GLOD4: variants seen among roughly 807,000 people sequenced by gnomAD.
The protein encoded by GLOD4 is glyoxalase domain-containing protein 4.
In GLOD4, 44 loss-of-function variants were observed where a neutral mutation model predicts 39.1. That is an observed-to-expected ratio of 1.13 (90% CI 0.88 to 1.45). The LOEUF (loss-of-function observed/expected upper bound fraction) is 1.45. Ranked by LOEUF, GLOD4 falls within the 40% of genes most tolerant of loss-of-function variation. GLOD4 has a pLI of 0.00. For synonymous variants in GLOD4, 145 were observed against 135.0 expected (o/e 1.07, Z -0.52); for missense variants, 405 against 366.4 (o/e 1.11, Z -0.86).
At chr17:776,601 A>T (rs1274154756) in intron 3 of GLOD4, among the ~76,000 whole-genome samples, 1 of 151,524 alleles carries the variant, frequency 6.6e-6, no homozygotes, top group Admixed American at 6.6e-5. Flanking sequence ...ATCTCTTACC[A>T]CGCTCCCCTC....
At chr17:782,495 A>C, upstream of GLOD4, 1 of 1,613,620 alleles carries the variant, frequency 6.2e-7, no homozygotes, top group Non-Finnish European at 8.5e-7. Context: ...GCCCAGTGAA[A>C]GTGGTGTTTC....
chr17:768,067 A>G (rs1219686161), intron 8 of GLOD4, among the ~76,000 whole-genome samples: 1 of 149,850 alleles, frequency 6.7e-6, no homozygotes, highest in Non-Finnish European at 1.5e-5. Context: ...AGAGAGAAAC[A>G]GCGCGCACTC....
At position 782,181 on chromosome 17, in the gene GLOD4, G is replaced by T; in HGVS notation, c.75C>A (p.Asp25Glu). 1 of 1,606,498 alleles carries T rather than the reference G, an allele frequency of 6.2e-7. No individual in the cohort carries two copies. Among genetic ancestry groups the T allele is most frequent in the Non-Finnish European group, 8.5e-7 (1 of 1,174,602 alleles). Residue 25 changes from aspartate to glutamate, a missense_variant, in exon 1 of 9, where the codon GAC becomes GAA. Asp to Glu is a conservative substitution (Grantham distance 45). Transcript: ENST00000301329. ...NRFQTARFYRDVLGMKVLRHE... is the reference protein window; with the variant it reads ...NRFQTARFYREVLGMKVLRHE... ...CGGCCTGCACCTTCATCCCCAGGAC[G>T]TCCCGATAGAAACGCGCCGTCTGGA...
chr17:768,889 A>T (rs1401174126), intron 8 of GLOD4, among the ~76,000 whole-genome samples: 3 of 147,986 alleles, frequency 2.0e-5, no homozygotes, highest in Admixed American at 6.7e-5. Context: ...AGAGGATGTG[A>T]GAGAGAGAAA....
At chr17:765,964 A>G (rs1906461070) in intron 8 of GLOD4, among the ~76,000 whole-genome samples, 1 of 151,066 alleles carries the variant, frequency 6.6e-6, no homozygotes, top group Non-Finnish European at 1.5e-5. Context: ...CTCAAAAAAA[A>G]GAAAAATGGC....
chr17:771,834 G>C (rs978466386), intron 4 of GLOD4, among the ~76,000 whole-genome samples: 1 of 152,006 alleles, frequency 6.6e-6, no homozygotes, highest in Non-Finnish European at 1.5e-5. Flanking sequence ...GCAAAACCCT[G>C]TCTCTACTAA....
chr17:784,077 C>T (rs1444199865), upstream of GLOD4, among the ~76,000 whole-genome samples: 1 of 152,214 alleles, frequency 6.6e-6, no homozygotes, highest in African/African-American at 2.4e-5. Context: ...GTCTTCTAGT[C>T]TGTTCCTTCA....
chr17:764,502 C>A (rs1484264132), intron 8 of GLOD4: 3 of 152,016 alleles, frequency 2.0e-5, no homozygotes, highest in African/African-American at 7.3e-5. Context: ...TAGGTATTTA[C>A]TCAAGAGAAA....
intron 1 of GLOD4, 144 bp from the exon 2 acceptor site, chr17:778,888 C>G: frequency 3.3e-6 from 2 of 601,144 alleles, no homozygotes; most frequent in South Asian, 2.1e-5. Context: ...CTTTACACTT[C>G]TCCCAGGATA....
intron 8 of GLOD4, among the ~76,000 whole-genome samples, chr17:766,422 C>T (rs780007661): frequency 4.0e-5 from 6 of 151,738 alleles, no homozygotes; most frequent in Admixed American, 6.6e-5. Flanking sequence ...ATGGTGAAGC[C>T]CCGTCTCTAC....
In GLOD4 at chr17:769,887, T is replaced by A. The variant is rs1907618509; in HGVS notation, c.813A>T (p.Gly271=). The stretch of plus-strand genomic sequence containing the variant: ...GACTCACATCATCCAACAATTTGCT[T>A]CCCTCTGGATCCATCTTAGAAAGTT... The part of the protein sequence containing the change: ...FRELSKMDPE[G]SKLLDDAMAA... Residue 271 remains glycine (G), a synonymous_variant, in exon 8 of 9, where the codon GGA becomes GGT. Transcript: ENST00000301329. 1.3e-6 allele frequency: 2 copies of A among 1,599,688 alleles called. No individual in the cohort carries two copies. The highest frequency in any genetic ancestry group is 2.7e-5 in the African/African-American group (2 of 74,622).
chr17:781,802 AAG>A, intron 1 of GLOD4: 1 of 230,120 alleles, frequency 4.3e-6, no homozygotes. Flanking sequence ...ATCTACATCA[AAG>A]GCTCCAAACC....
intron 1 of GLOD4, among the ~76,000 whole-genome samples, chr17:781,250 C>T (rs866203711): frequency 3.3e-5 from 5 of 152,078 alleles, no homozygotes; most frequent in African/African-American, 7.2e-5. Context: ...ACCTTTTGAT[C>T]GACGAGGAAA....
chr17:776,992 G>C lies in GLOD4; in HGVS notation c.141-4C>G. On this transcript the variant is annotated splice_polypyrimidine_tract_variant and splice_region_variant and intron_variant, in intron 2 of 8. Coordinates refer to ENST00000301329, the MANE Select transcript of GLOD4 (RefSeq NM_016080.4). ...ACTCCATTTCCCATCATAAGGCCTA[G>C]AAAATAAAAGTAAATGAACTCAGTG... 2.5e-6 allele frequency: 4 copies of C among 1,611,216 alleles called. No homozygotes were observed. The highest frequency in any genetic ancestry group is 3.4e-6 in the Non-Finnish European group (4 of 1,177,312).
chr17:777,994 G>C (rs2144450928), intron 2 of GLOD4, among the ~76,000 whole-genome samples: 1 of 152,276 alleles, frequency 6.6e-6, no homozygotes, highest in South Asian at 2.1e-4. Flanking sequence ...TGAACAATGA[G>C]ACTCATGAGC....
chr17:767,021 T>C, intron 8 of GLOD4, among the ~76,000 whole-genome samples: 1 of 152,254 alleles, frequency 6.6e-6, no homozygotes, highest in East Asian at 1.9e-4. Context: ...ATAAAGACTG[T>C]ATTTTCTATA....
chr17:771,202 T>C (rs1672820521), intron 5 of GLOD4, 123 bp downstream of exon 5: 3 of 629,228 alleles, frequency 4.8e-6, no homozygotes, highest in Non-Finnish European at 8.4e-6. Context: ...ATTGAATCAC[T>C]GTGAAGAAAC....
intron 8 of GLOD4, among the ~76,000 whole-genome samples, chr17:766,569 C>T (rs1906608652): frequency 6.6e-6 from 1 of 151,564 alleles, no homozygotes; most frequent in Non-Finnish European, 1.5e-5. Flanking sequence ...GCACTCCAGC[C>T]TAGTTGACAG....
chr17:776,096 A>G (rs1441763509), intron 3 of GLOD4, among the ~76,000 whole-genome samples, 177 bp from the exon 4 acceptor site: 1 of 152,220 alleles, frequency 6.6e-6, no homozygotes, highest in Non-Finnish European at 1.5e-5. Flanking sequence ...TTATCCCACA[A>G]ACATTCAGAC....
Sources: allele counts gnomAD v4.1 joint callset (sites outside exome capture counted in the v4.1 genomes callset), GRCh38; gene constraint gnomAD v4.1.1; transcripts MANE v1.5; gene names NCBI Gene and HGNC (gene_info 2026-07-23, HGNC 2026-07-21).